TMEM151B: variants seen among roughly 807,000 people sequenced by gnomAD.
TMEM151B encodes the protein transmembrane protein 193.
Under a neutral mutation model 33.0 loss-of-function variants are expected in TMEM151B, and 18 were observed. The ratio of observed to expected loss-of-function variants is 0.55; its 90% CI spans 0.38 to 0.81. The LOEUF is 0.81. TMEM151B is among the 30% of genes least tolerant of loss of function. The probability of loss-of-function intolerance (pLI) is 0.00; values close to 1 mark genes in which losing one functional copy is unlikely to be tolerated. For synonymous variants in TMEM151B, 354 were observed against 373.6 expected (o/e 0.95, Z 0.61); for missense variants, 672 against 843.4 (o/e 0.80, Z 2.52).
In TMEM151B at chr6:44,278,908, C is replaced by G. The variant is rs566892767; in HGVS notation, c.*2381C>G. ...ACACACACACACCCTCACACCTACA[C>G]GTTTGCACTCCGGAACTGTCAGAGG... On this transcript the variant is annotated 3_prime_UTR_variant, in exon 3 of 3. Transcript: ENST00000451188. The G allele has an allele frequency of 6.6e-6, 1 of 151,832 alleles. No individual in the cohort carries two copies. The highest frequency in any genetic ancestry group is 2.4e-5 in the African/African-American group (1 of 41,328). 9.4% of individuals were successfully genotyped at this position (151,832 alleles called of 1,614,324 possible).
In TMEM151B at chr6:44,276,033, G is replaced by A; in HGVS notation, c.1207G>A (p.Gly403Ser). Residue 403 changes from glycine to serine, a missense_variant, in exon 3 of 3, where the codon GGC (glycine) becomes AGC (serine). Gly to Ser is a moderately conservative substitution (Grantham distance 56). Around this residue, in one of 3 missense-constraint regions of TMEM151B, gnomAD observed 324 missense variants for 363.1 expected, o/e 0.89. Coordinates refer to ENST00000451188, the MANE Select transcript of TMEM151B (RefSeq NM_001137560.2). ...CCTGGCGGGGCTCGGGACGCGCTGC[G>A]GCGGGGCAGGCGGCGGCTACGCGCC... ...MDLAGLGTRC[G>S]GAGGGYAPSC... The A allele has an allele frequency of 3.0e-6, 4 of 1,351,714 alleles. No homozygotes were observed. The highest frequency in any genetic ancestry group is 3.8e-6 in the Non-Finnish European group (4 of 1,056,190). The allele number at this position is 1,351,714 out of a possible 1,614,324, so 83.7% of individuals were successfully genotyped here.
chr6:44,275,892 C>T lies in TMEM151B; in HGVS notation c.1066C>T (p.Pro356Ser), dbSNP rs1782565562. The T allele has an allele frequency of 3.9e-6, 6 of 1,532,842 alleles. No homozygotes were observed. The highest frequency in any genetic ancestry group is 1.8e-6 in the Non-Finnish European group (2 of 1,140,184). 95.0% of individuals were successfully genotyped at this position (1,532,842 alleles called of 1,614,324 possible). The change falls in exon 3 of 3, where the codon CCC (proline) becomes TCC (serine). Residue 356 changes from proline (P) to serine (S), a missense_variant. Pro to Ser is a moderately conservative substitution (Grantham distance 74). Coordinates refer to ENST00000451188, the MANE Select transcript of TMEM151B (RefSeq NM_001137560.2). ...CCTCAGCCCCAGCGATGAGCTGCTG[C>T]CCCCGCTCACCCACCGCCTGCCGCG... ...GGLSPSDELL[P>S]PLTHRLPRVN... is the part of the protein sequence containing the mutation.
intron 2 of TMEM151B, among the ~76,000 whole-genome samples, chr6:44,274,424 G>C (rs1308874523): frequency 6.6e-6 from 1 of 152,150 alleles, no homozygotes; most frequent in Non-Finnish European, 1.5e-5. Flanking sequence ...GGAGGTGGGC[G>C]TAGGAAGTCT....
rs1782294946 is a variant in TMEM151B, at chr6:44,270,786, G to C, written c.44G>C (p.Gly15Ala). The stretch of plus-strand genomic sequence containing the variant: ...GCCGCGGGAGAGAGCGCCGCCGGCG[G>C]CGGCGGCGGCGGTGGCGGCCCCGGG... ...GSAAGESAAG[G>A]GGGGGGPGVS... is the part of the protein sequence containing the mutation. The change falls in exon 1 of 3, where the codon GGC becomes GCC. Residue 15 changes from glycine to alanine, a missense_variant. Around this residue, in one of 3 missense-constraint regions of TMEM151B, gnomAD observed 63 missense variants for 57.2 expected, o/e 1.10. Coordinates refer to ENST00000451188, the MANE Select transcript of TMEM151B (RefSeq NM_001137560.2). 3 of 1,117,976 alleles carry C rather than the reference G, an allele frequency of 2.7e-6. No individual in the cohort carries two copies. Among genetic ancestry groups the C allele is most frequent in the Admixed American group, 5.0e-5 (1 of 20,138 alleles). 69.3% of individuals were successfully genotyped at this position (1,117,976 alleles called of 1,614,324 possible). A position where few individuals can be genotyped will look rare whatever the true frequency, so the allele number is the denominator to read the frequency against.
At position 44,275,786 on chromosome 6, in the gene TMEM151B, C is replaced by A. The variant is rs895324590; in HGVS notation, c.960C>A (p.Tyr320Ter). Residue 320 changes from tyrosine (Y) to a stop codon, truncating the protein, a stop_gained, in exon 3 of 3, where the codon TAC (tyrosine) becomes TAA (stop). Coordinates refer to ENST00000451188, the MANE Select transcript of TMEM151B (RefSeq NM_001137560.2). LOFTEE classifies it high-confidence loss of function. ...LSWPLRVLAE[Y>*]RTAYAHYHVE... is the part of the protein sequence containing the mutation. ...GGCCGCTGCGAGTGCTGGCCGAGTA[C>A]CGCACGGCCTACGCGCACTACCACG... The A allele has an allele frequency of 6.5e-7, 1 of 1,543,462 alleles. No individual in the cohort carries two copies. Among genetic ancestry groups the A allele is most frequent in the Non-Finnish European group, 8.7e-7 (1 of 1,145,052 alleles).
At position 44,275,411 on chromosome 6, in the gene TMEM151B, C is replaced by G. The variant is rs1299582848; in HGVS notation, c.585C>G (p.His195Gln). The G allele has an allele frequency of 1.3e-6, 2 of 1,521,720 alleles. No homozygotes were observed. The highest frequency in any genetic ancestry group is 8.9e-7 in the Non-Finnish European group (1 of 1,128,960). The allele number at this position is 1,521,720 out of a possible 1,614,324, so 94.3% of individuals were successfully genotyped here. ...TGCCCCCCGCGCCGCAGGTCTACCACGAACGCGTCAACACGCACGTGGCGG... is the reference window on the plus strand; with the variant it reads ...TGCCCCCCGCGCCGCAGGTCTACCAGGAACGCGTCAACACGCACGTGGCGG... Reference protein sequence around the residue: ...GDAYTTTQVYHERVNTHVAEA... With the variant: ...GDAYTTTQVYQERVNTHVAEA... The change falls in exon 3 of 3, where the codon CAC becomes CAG. Residue 195 changes from histidine (H) to glutamine (Q), a missense_variant. This residue lies in a region of TMEM151B where 285 missense variants were observed against 423.1 expected (regional missense o/e 0.67). Coordinates refer to ENST00000451188, the MANE Select transcript of TMEM151B (RefSeq NM_001137560.2).
At position 44,278,616 on chromosome 6, in the gene TMEM151B, C is replaced by G. The variant is rs532354454; in HGVS notation, c.*2089C>G. The G allele has an allele frequency of 1.3e-5, 2 of 152,274 alleles. No individual in the cohort carries two copies. Among genetic ancestry groups the G allele is most frequent in the African/African-American group, 2.4e-5 (1 of 41,548 alleles). The allele number at this position is 152,274 out of a possible 1,614,324, so 9.4% of individuals were successfully genotyped here. A position where few individuals can be genotyped will look rare whatever the true frequency, so the allele number is the denominator to read the frequency against. On this transcript the variant is annotated 3_prime_UTR_variant, in exon 3 of 3. Transcript: ENST00000451188. Reference sequence around the variant, plus strand: ...CTGTTCCTGAGACAGAGCCTGGTCTCACAAGAGGGGAAGGGGGACCTCTAT... The same window carrying G: ...CTGTTCCTGAGACAGAGCCTGGTCTGACAAGAGGGGAAGGGGGACCTCTAT...
Position 44,276,110 on chromosome 6 carries a change from C to T in TMEM151B, c.1284C>T (p.Pro428=). Residue 428 remains proline, a synonymous_variant, in exon 3 of 3, where the codon CCC becomes CCT. Coordinates refer to ENST00000451188, the MANE Select transcript of TMEM151B (RefSeq NM_001137560.2). ...VGGPGAAGVA[P]YRRSCEHCQR... ...GCCCGGGCGCGGCGGGCGTGGCTCCCTACCGGCGCAGCTGCGAGCACTGCC... is the reference window on the plus strand; with the variant it reads ...GCCCGGGCGCGGCGGGCGTGGCTCCTTACCGGCGCAGCTGCGAGCACTGCC... 2 of 1,322,932 alleles carry T rather than the reference C, an allele frequency of 1.5e-6. No homozygotes were observed. The highest frequency in any genetic ancestry group is 4.1e-5 in the Admixed American group (1 of 24,516). The allele number at this position is 1,322,932 out of a possible 1,614,324, so 81.9% of individuals were successfully genotyped here. A position where few individuals can be genotyped will look rare whatever the true frequency, so the allele number is the denominator to read the frequency against.
rs907993799 is a variant in TMEM151B at position 44,276,636 on chromosome 6, G to T, written c.*109G>T. ...CACGGTGACTGAGGCCGCGCGGGGG[G>T]CAGGGAAAGGGAGGTGAGGGCCGCA... On this transcript the variant is annotated 3_prime_UTR_variant, in exon 3 of 3. Coordinates refer to ENST00000451188, the MANE Select transcript of TMEM151B (RefSeq NM_001137560.2). The T allele has an allele frequency of 1.2e-5, 16 of 1,285,914 alleles. No homozygotes were observed. The East Asian group carries it at 1.9e-4, about 15-fold the overall frequency. The allele number at this position is 1,285,914 out of a possible 1,614,324, so 79.7% of individuals were successfully genotyped here.
Position 44,273,275 on chromosome 6 carries a change from C to A in TMEM151B, c.345C>A (p.Ile115=). Residue 115 remains isoleucine (I), a synonymous_variant, in exon 2 of 3, where the codon ATC becomes ATA. Coordinates refer to ENST00000451188, the MANE Select transcript of TMEM151B (RefSeq NM_001137560.2). ...DSPCSNGYVY[I]PLAFLLMLYA... Reference sequence around the variant, plus strand: ...CCTGCTCCAACGGCTATGTCTACATCCCCCTGGCCTTCCTGCTCATGTTGT... The same window carrying A: ...CCTGCTCCAACGGCTATGTCTACATACCCCTGGCCTTCCTGCTCATGTTGT... The A allele has an allele frequency of 6.4e-7, 1 of 1,551,838 alleles. No individual in the cohort carries two copies.
Position 44,276,057 on chromosome 6 carries a change from C to T in TMEM151B, c.1231C>T (p.Pro411Ser). The T allele has an allele frequency of 1.3e-5, 17 of 1,344,992 alleles. No individual in the cohort carries two copies. The highest frequency in any genetic ancestry group is 1.5e-5 in the Non-Finnish European group (16 of 1,054,614). The allele number at this position is 1,344,992 out of a possible 1,614,324, so 83.3% of individuals were successfully genotyped here. Residue 411 changes from proline (P) to serine (S), a missense_variant, in exon 3 of 3, where the codon CCC becomes TCC. By Grantham distance (74) the Pro-to-Ser change is moderately conservative. Transcript: ENST00000451188. ...RCGGAGGGYA[P>S]SCRYGGVGGP... ...CGGCGGGGCAGGCGGCGGCTACGCGCCCTCGTGCCGCTACGGTGGGGTAGG... is the reference window on the plus strand; with the variant it reads ...CGGCGGGGCAGGCGGCGGCTACGCGTCCTCGTGCCGCTACGGTGGGGTAGG...
Position 44,275,842 on chromosome 6 carries a change from G to A in TMEM151B, c.1016G>A (p.Gly339Asp), listed in dbSNP as rs906976212. 1.3e-6 allele frequency: 2 copies of A among 1,541,830 alleles called. No individual in the cohort carries two copies. Residue 339 changes from glycine to aspartate, a missense_variant, in exon 3 of 3, where the codon GGC (glycine) becomes GAC (aspartate). Gly to Asp is a moderately conservative substitution (Grantham distance 94). This residue lies in a region of TMEM151B where 324 missense variants were observed against 363.1 expected (regional missense o/e 0.89). Transcript: ENST00000451188. Reference sequence around the variant, plus strand: ...AAGCTATTTGGCCTGGAGGGCCCGGGCTCGGCCAGCAGCGCAGGCGGTGGC... The same window carrying A: ...AAGCTATTTGGCCTGGAGGGCCCGGACTCGGCCAGCAGCGCAGGCGGTGGC... ...VEKLFGLEGP[G>D]SASSAGGGLS...
rs1011272538 is a variant in TMEM151B at position 44,276,784 on chromosome 6, G to C, written c.*257G>C. ...GAGTCATTCTTCCAGCCCCAACCCTGAGTTCCTAAAGGGACACCTCCCTCC... is the reference window on the plus strand; with the variant it reads ...GAGTCATTCTTCCAGCCCCAACCCTCAGTTCCTAAAGGGACACCTCCCTCC... On this transcript the variant is annotated 3_prime_UTR_variant, in exon 3 of 3. Transcript: ENST00000451188. 4 of 639,236 alleles carry C rather than the reference G, an allele frequency of 6.3e-6. No homozygotes were observed. The African/African-American group carries it at 7.5e-5, about 12-fold the overall frequency. 39.6% of individuals were successfully genotyped at this position (639,236 alleles called of 1,614,324 possible). A position where few individuals can be genotyped will look rare whatever the true frequency, so the allele number is the denominator to read the frequency against.
rs974567855 is a variant in TMEM151B at position 44,275,509 on chromosome 6, C to T, written c.683C>T (p.Pro228Leu). 9 of 1,549,592 alleles carry T rather than the reference C, an allele frequency of 5.8e-6. No individual in the cohort carries two copies. The highest frequency in any genetic ancestry group is 1.4e-5 in the African/African-American group (1 of 73,010). The change falls in exon 3 of 3, where the codon CCG becomes CTG. Residue 228 changes from proline (P) to leucine (L), a missense_variant. By Grantham distance (98) the Pro-to-Leu change is moderately conservative (BLOSUM62 -3). Coordinates refer to ENST00000451188, the MANE Select transcript of TMEM151B (RefSeq NM_001137560.2). ...ACGCTGGTGGGGCTGGAGGGCGCGC[C>T]GGCCACGCGGCTGCGCTTCACCAAG... is the stretch of plus-strand genomic sequence containing the variant. ...SKTLVGLEGA[P>L]ATRLRFTKCF...
At position 44,276,856 on chromosome 6, in the gene TMEM151B, G is replaced by T; in HGVS notation, c.*329G>T. 1 of 269,228 alleles carries T rather than the reference G, an allele frequency of 3.7e-6. No homozygotes were observed. The highest frequency in any genetic ancestry group is 6.7e-6 in the Non-Finnish European group (1 of 149,374). 16.7% of individuals were successfully genotyped at this position (269,228 alleles called of 1,614,324 possible). On this transcript the variant is annotated 3_prime_UTR_variant, in exon 3 of 3. Transcript: ENST00000451188. The stretch of plus-strand genomic sequence containing the variant: ...TTCTGTTAGATGACAACCGTGCCGT[G>T]GGCCCCGCGTTGGGCCTTGTCTGAA...
In TMEM151B at chr6:44,270,808, C is replaced by G; in HGVS notation, c.66C>G (p.Pro22=). 2 of 1,128,312 alleles carry G rather than the reference C, an allele frequency of 1.8e-6. No individual in the cohort carries two copies. Among genetic ancestry groups the G allele is most frequent in the South Asian group, 4.3e-5 (1 of 23,308 alleles). 69.9% of individuals were successfully genotyped at this position (1,128,312 alleles called of 1,614,324 possible). Residue 22 remains proline, a synonymous_variant, in exon 1 of 3, where the codon CCC becomes CCG. Transcript: ENST00000451188. ...AAGGGGGGGG[P]GVSEELTAAA... ...GCGGCGGCGGCGGCGGTGGCGGCCC[C>G]GGGGTCTCGGAGGAGCTCACGGCGG... is the stretch of plus-strand genomic sequence containing the variant.
intron 2 of TMEM151B, among the ~76,000 whole-genome samples, chr6:44,274,491 T>C (rs746933780): frequency 2.1e-4 from 32 of 152,204 alleles, no homozygotes; most frequent in Non-Finnish European, 5.9e-5. Flanking sequence ...TGAGACATAT[T>C]GGGGTCCTGG....
At chr6:44,273,614 C>T in intron 2 of TMEM151B, 108 bp downstream of exon 2, 1 of 1,230,264 alleles carries the variant, frequency 8.1e-7, no homozygotes, top group Non-Finnish European at 1.1e-6. Context: ...GAGCAAAAGG[C>T]AGCAGTGAGC....
chr6:44,277,824 TC>T lies in TMEM151B; in HGVS notation c.*1301del, dbSNP rs759423469. 9.5e-4 allele frequency: 145 copies of T among 152,628 alleles called. No individual in the cohort carries two copies. The highest frequency in any genetic ancestry group is 1.7e-3 in the Non-Finnish European group (113 of 68,300). 9.5% of individuals were successfully genotyped at this position (152,628 alleles called of 1,614,324 possible). On this transcript the variant is annotated 3_prime_UTR_variant, in exon 3 of 3. Transcript: ENST00000451188. The stretch of plus-strand genomic sequence containing the variant: ...CCAGGGCGCTGGCCCCACGTCCTGT[TC>T]CCCTAAAGCTCTGACACCGCCTTCT...
Sources: allele counts gnomAD v4.1 joint callset (sites outside exome capture counted in the v4.1 genomes callset), GRCh38; gene constraint gnomAD v4.1.1; regional missense constraint gnomAD v4.1.1; transcripts MANE v1.5; gene names NCBI Gene and HGNC (gene_info 2026-07-23, HGNC 2026-07-21).